CCDC148: variants seen among roughly 807,000 people sequenced by gnomAD.
The protein encoded by CCDC148 is coiled-coil domain containing 148.
A neutral mutation model predicts 85.7 loss-of-function variants in CCDC148; 89 were observed. That is an observed-to-expected ratio of 1.04 (90% confidence interval 0.87 to 1.24). The LOEUF is 1.24. CCDC148 is among the 50% of genes most tolerant of loss of function. The pLI, the probability that CCDC148 is intolerant of heterozygous loss-of-function variation, is 0.00. For synonymous variants in CCDC148, 230 were observed against 213.9 expected (o/e 1.08, Z -0.66); for missense variants, 692 against 671.7 (o/e 1.03, Z -0.33).
At chr2:158,412,521 G>A (rs2105315760) in intron 1 of CCDC148, among the ~76,000 whole-genome samples, 1 of 152,204 alleles carries the variant, frequency 6.6e-6, no homozygotes, top group Middle Eastern at 3.4e-3. Context: ...CACAAATACT[G>A]AATCAGAATT....
intron 11 of CCDC148, among the ~76,000 whole-genome samples, chr2:158,196,830 T>C (rs1274483207): frequency 6.6e-6 from 1 of 152,176 alleles, no homozygotes; most frequent in Non-Finnish European, 1.5e-5. Flanking sequence ...TGTGTGTTTA[T>C]GTGTTCATAT....
At chr2:158,412,193 G>A (rs1686291403) in intron 1 of CCDC148, among the ~76,000 whole-genome samples, 1 of 152,184 alleles carries the variant, frequency 6.6e-6, no homozygotes, top group Admixed American at 6.5e-5. Flanking sequence ...TTGACACTGA[G>A]TTGTGGTGGC....
At chr2:158,330,558 G>C (rs1484928215) in intron 7 of CCDC148, among the ~76,000 whole-genome samples, 2 of 152,132 alleles carry the variant, frequency 1.3e-5, no homozygotes, top group African/African-American at 4.8e-5. Context: ...TTTTTCTATT[G>C]ATTGGAATAG....
At chr2:158,451,870 C>T (rs1411366067) in intron 1 of CCDC148, among the ~76,000 whole-genome samples, 1 of 151,784 alleles carries the variant, frequency 6.6e-6, no homozygotes, top group Non-Finnish European at 1.5e-5. Context: ...AAAATATTTG[C>T]ATAATTTGTA....
chr2:158,186,267 C>A (rs1318908316), intron 11 of CCDC148, among the ~76,000 whole-genome samples: 2 of 152,088 alleles, frequency 1.3e-5, no homozygotes, highest in Non-Finnish European at 2.9e-5. Context: ...TTAACTCCAT[C>A]CCTACTTCAG....
chr2:158,364,856 A>G (rs185456863), intron 1 of CCDC148, among the ~76,000 whole-genome samples: 1 of 152,342 alleles, frequency 6.6e-6, no homozygotes, highest in African/African-American at 2.4e-5. Context: ...AAAAGAAACT[A>G]TCATCAGAGT....
chr2:158,408,318 GT>G (rs1174143087), intron 1 of CCDC148, among the ~76,000 whole-genome samples: 1 of 151,868 alleles, frequency 6.6e-6, no homozygotes, highest in Non-Finnish European at 1.5e-5. Context: ...ATTGCTGTAC[GT>G]TAGATCTCCA....
intron 9 of CCDC148, among the ~76,000 whole-genome samples, chr2:158,266,881 TATATATTTATTTAC>T (rs1367354487): frequency 2.7e-5 from 4 of 147,684 alleles, no homozygotes; most frequent in African/African-American, 9.9e-5. Context: ...TTTACATATA[TATATATTTATTTAC>T]ATATATATAT....
intron 9 of CCDC148, among the ~76,000 whole-genome samples, chr2:158,307,513 A>G (rs1018976840): frequency 6.6e-6 from 1 of 152,238 alleles, no homozygotes; most frequent in African/African-American, 2.4e-5. Flanking sequence ...AGCTAAACAC[A>G]TCTGAGCCTT....
At chr2:158,338,587 C>A in intron 7 of CCDC148, 139 bp downstream of exon 7, 1 of 617,924 alleles carries the variant, frequency 1.6e-6, no homozygotes, top group Admixed American at 3.7e-5. Flanking sequence ...CTCTATTCAT[C>A]AAATAGTCAG....
chr2:158,317,808 T>A (rs897595234), intron 7 of CCDC148, among the ~76,000 whole-genome samples: 2 of 152,246 alleles, frequency 1.3e-5, no homozygotes, highest in African/African-American at 4.8e-5. Flanking sequence ...AGCTGTTTTA[T>A]GTTTTCTCAG....
chr2:158,377,047 C>T lies in CCDC148; in HGVS notation c.26-18477G>A, dbSNP rs141129901. On this transcript the variant is annotated intron_variant, in intron 1 of 13. Transcript: ENST00000283233. ...CTCTTGTTTCAATTTTTGCTTCAAC[C>T]TAGTCCTTCACAGAGGCAAGGAGGG... 3.7e-3 allele frequency among the ~76,000 whole-genome samples: 559 copies of T among 152,122 alleles called. 2 individuals carry two copies. The highest frequency in any genetic ancestry group is 6.0e-3 in the Non-Finnish European group (406 of 67,958).
intron 1 of CCDC148, among the ~76,000 whole-genome samples, chr2:158,386,355 T>C (rs1255421400): frequency 6.6e-6 from 1 of 152,134 alleles, no homozygotes; most frequent in East Asian, 1.9e-4. Context: ...TTTCTGAGAT[T>C]GTGTATTTAT....
intron 7 of CCDC148, among the ~76,000 whole-genome samples, chr2:158,330,150 T>C (rs1025896633): frequency 9.9e-5 from 15 of 152,214 alleles, no homozygotes; most frequent in Non-Finnish European, 2.1e-4. Context: ...GGGTTTGTCA[T>C]AGATAGCTCT....
intron 7 of CCDC148, among the ~76,000 whole-genome samples, chr2:158,317,581 C>G (rs986384626): frequency 6.6e-6 from 1 of 152,166 alleles, no homozygotes; most frequent in Non-Finnish European, 1.5e-5. Flanking sequence ...TTGAATTATT[C>G]CAAAAATCCT....
intron 2 of CCDC148, among the ~76,000 whole-genome samples, chr2:158,347,154 A>G (rs927373897): frequency 4.6e-5 from 7 of 152,176 alleles, no homozygotes; most frequent in Non-Finnish European, 8.8e-5. Flanking sequence ...TACCATACAC[A>G]GTCTCTAAAG....
intron 1 of CCDC148, among the ~76,000 whole-genome samples, chr2:158,444,866 T>C (rs893373939): frequency 1.4e-5 from 2 of 147,502 alleles, no homozygotes; most frequent in Non-Finnish European, 3.0e-5. Context: ...GGATTAGAAA[T>C]TATGTTAGTT....
chr2:158,435,463 A>AG (rs1687600402), intron 1 of CCDC148, among the ~76,000 whole-genome samples: 1 of 152,208 alleles, frequency 6.6e-6, no homozygotes, highest in Non-Finnish European at 1.5e-5. Context: ...GCCTTACAAG[A>AG]GCTCCTGAAG....
At chr2:158,277,413 T>A (rs183438240) in intron 9 of CCDC148, among the ~76,000 whole-genome samples, 2 of 152,158 alleles carry the variant, frequency 1.3e-5, no homozygotes. Flanking sequence ...TTTGTCATAG[T>A]CAAGGAGAAT....
Sources: allele counts gnomAD v4.1 joint callset (sites outside exome capture counted in the v4.1 genomes callset), GRCh38; gene constraint gnomAD v4.1.1; transcripts MANE v1.5; gene names NCBI Gene and HGNC (gene_info 2026-07-23, HGNC 2026-07-21).